Variants in FOXJ3 observed in about 807,000 individuals in gnomAD.
FOXJ3 encodes the protein forkhead box J3, also known as forkhead box protein J3.
Under a neutral mutation model 76.1 loss-of-function variants are expected in FOXJ3, and 22 were observed. That is an observed-to-expected ratio of 0.29 (90% CI 0.21 to 0.41). The LOEUF (loss-of-function observed/expected upper bound fraction) is 0.41, where lower values mean the gene tolerates loss of function less well. FOXJ3 is among the 10% of genes least tolerant of loss of function. The pLI, the probability that FOXJ3 is intolerant of heterozygous loss-of-function variation, is 1.00. For synonymous variants in FOXJ3, 269 were observed against 261.2 expected, an observed-to-expected ratio of 1.03 and a Z score of -0.29; for missense variants, 613 against 762.1, an observed-to-expected ratio of 0.80 and a Z score of 2.30.
chr1:42,307,335 C>A (rs774713494), intron 2 of FOXJ3, among the ~76,000 whole-genome samples: 3 of 152,160 alleles, frequency 2.0e-5, no homozygotes, highest in African/African-American at 4.8e-5. Flanking sequence ...AATCATGCAG[C>A]GGCTTCTCAG....
intron 1 of FOXJ3, among the ~76,000 whole-genome samples, chr1:42,331,137 T>C (rs1384381541): frequency 6.6e-6 from 1 of 152,076 alleles, no homozygotes; most frequent in Non-Finnish European, 1.5e-5. Context: ...TCTCAGCACT[T>C]TGGGAGGCCG....
Position 42,259,828 on chromosome 1 carries a change from A to C in FOXJ3, c.444+5287T>G, listed in dbSNP as rs577855266. On this transcript the variant is annotated intron_variant, in intron 4 of 12. Transcript: ENST00000361346. ...CTTTGCTCTGACTCGTCCCTCAGCT[A>C]AACTTGATCATATCCTCTTCCAGCC... Among the ~76,000 whole-genome samples, 27 of 152,292 alleles carry C rather than the reference A, an allele frequency of 1.8e-4. 1 individual carries two copies. Among genetic ancestry groups the C allele is most frequent in the African/African-American group, 6.0e-4 (25 of 41,556 alleles).
intron 5 of FOXJ3, among the ~76,000 whole-genome samples, chr1:42,207,885 A>C (rs941251345): frequency 2.0e-4 from 31 of 152,210 alleles, no homozygotes; most frequent in Admixed American, 1.4e-3. Context: ...ACTCTTATTT[A>C]TGCCTCAGTT....
At chr1:42,293,734 T>C (rs1007857395) in intron 2 of FOXJ3, among the ~76,000 whole-genome samples, 8 of 152,232 alleles carry the variant, frequency 5.3e-5, no homozygotes, top group Non-Finnish European at 1.2e-4. Flanking sequence ...TCAGCCTCTA[T>C]TTACTCAGAT....
In FOXJ3 at chr1:42,195,066, T is replaced by G. The variant is rs1646625612; in HGVS notation, c.760-2A>C. 6.3e-7 allele frequency: 1 copy of G among 1,591,674 alleles called. No individual in the cohort carries two copies. Among genetic ancestry groups the G allele is most frequent in the Admixed American group, 1.8e-5 (1 of 54,146 alleles). On this transcript the variant is annotated splice_acceptor_variant, in intron 7 of 12. Coordinates refer to ENST00000361346, the MANE Select transcript of FOXJ3 (RefSeq NM_014947.5). LOFTEE classifies it high-confidence loss of function. ...GACTGATTCTGGATGGCTTGTCACC[T>G]AACATTAAAAGAAAACACAACTAAT...
chr1:42,335,316 G>C (rs1428121195), upstream of FOXJ3: 1 of 152,176 alleles, frequency 6.6e-6, no homozygotes, highest in Non-Finnish European at 1.5e-5. Context: ...CGTCAGCGGC[G>C]TCAAGTCCCT....
At chr1:42,294,236 G>A (rs912712233) in intron 2 of FOXJ3, among the ~76,000 whole-genome samples, 5 of 152,114 alleles carry the variant, frequency 3.3e-5, no homozygotes, top group Non-Finnish European at 7.4e-5. Flanking sequence ...TGTCTCAAAC[G>A]CTTTCTGTAG....
At chr1:42,239,439 T>C (rs1648954198) in intron 4 of FOXJ3, among the ~76,000 whole-genome samples, 1 of 150,234 alleles carries the variant, frequency 6.7e-6, no homozygotes, top group South Asian at 2.1e-4. Context: ...TTAACCTTGG[T>C]CAAATATTTT....
At chr1:42,265,998 T>A (rs1651439281) in intron 3 of FOXJ3, among the ~76,000 whole-genome samples, 1 of 152,152 alleles carries the variant, frequency 6.6e-6, no homozygotes, top group African/African-American at 2.4e-5. Flanking sequence ...TCTTCTCAAT[T>A]AAATGCTCCA....
At chr1:42,328,348 G>T (rs572638719) in intron 1 of FOXJ3, among the ~76,000 whole-genome samples, 1 of 152,048 alleles carries the variant, frequency 6.6e-6, no homozygotes, top group African/African-American at 2.4e-5. Context: ...AATTATTAGC[G>T]TTCAATTCAG....
chr1:42,221,081 AT>A (rs1647173952), intron 5 of FOXJ3, among the ~76,000 whole-genome samples: 1 of 152,214 alleles, frequency 6.6e-6, no homozygotes, highest in Non-Finnish European at 1.5e-5. Flanking sequence ...TAATTTACGT[AT>A]TTTTAATTGC....
intron 5 of FOXJ3, among the ~76,000 whole-genome samples, chr1:42,206,435 C>G (rs1307999432): frequency 6.6e-6 from 1 of 152,130 alleles, no homozygotes; most frequent in East Asian, 1.9e-4. Context: ...GGGTAATACC[C>G]TGGGAAAATA....
chr1:42,290,670 G>C (rs1301994900), intron 2 of FOXJ3, among the ~76,000 whole-genome samples: 1 of 151,948 alleles, frequency 6.6e-6, no homozygotes, highest in African/African-American at 2.4e-5. Context: ...TAAAACATCT[G>C]AACTGTGCTG....
intron 1 of FOXJ3, among the ~76,000 whole-genome samples, chr1:42,331,259 G>C (rs1349968525): frequency 2.0e-5 from 3 of 152,076 alleles, no homozygotes; most frequent in Non-Finnish European, 4.4e-5. Flanking sequence ...GTGCACGCCT[G>C]TAATCCCAGC....
chr1:42,231,948 C>T (rs1294195575), intron 4 of FOXJ3, among the ~76,000 whole-genome samples: 1 of 152,296 alleles, frequency 6.6e-6, no homozygotes, highest in African/African-American at 2.4e-5. Context: ...TCCTTCCCCC[C>T]TACCCCCACC....
intron 2 of FOXJ3, among the ~76,000 whole-genome samples, chr1:42,310,596 A>G (rs1654747066): frequency 6.6e-6 from 1 of 151,334 alleles, no homozygotes; most frequent in African/African-American, 2.4e-5. Context: ...TACAGGTGTG[A>G]GCCACCACAC....
rs145200873 is a variant in FOXJ3 at position 42,226,373 on chromosome 1, A to G, written c.528+1510T>C. On this transcript the variant is annotated intron_variant, in intron 5 of 12. Transcript: ENST00000361346. ...ACGCCTGTAGTACCAGCACTTTGAG[A>G]GGCCAAGGTGGGTGGATCACCTGAG... 7.1e-3 allele frequency among the ~76,000 whole-genome samples: 1,082 copies of G among 152,346 alleles called. 20 individuals carry two copies. Among genetic ancestry groups the G allele is most frequent in the African/African-American group, 0.025 (1,045 of 41,582 alleles).
At chr1:42,213,364 C>T (rs1434084178) in intron 5 of FOXJ3, among the ~76,000 whole-genome samples, 2 of 150,988 alleles carry the variant, frequency 1.3e-5, no homozygotes, top group East Asian at 3.9e-4. Flanking sequence ...TTCTTAAAGA[C>T]TCAAGATAAA....
intron 4 of FOXJ3, among the ~76,000 whole-genome samples, chr1:42,230,834 C>G (rs1227820406): frequency 6.6e-6 from 1 of 152,132 alleles, no homozygotes; most frequent in East Asian, 1.9e-4. Flanking sequence ...AATCATCCAG[C>G]AATTCCACTT....
Sources: allele counts gnomAD v4.1 joint callset (sites outside exome capture counted in the v4.1 genomes callset), GRCh38; gene constraint gnomAD v4.1.1; transcripts MANE v1.5; gene names NCBI Gene and HGNC (gene_info 2026-07-23, HGNC 2026-07-21).